NUDT2: variants seen among roughly 807,000 people sequenced by gnomAD.
The protein encoded by NUDT2 is nudix hydrolase 2.
A neutral mutation model predicts 14.2 loss-of-function variants in NUDT2; 12 were observed. That is an observed-to-expected ratio of 0.84 (90% confidence interval 0.54 to 1.37). The LOEUF (loss-of-function observed/expected upper bound fraction) is 1.37. Among genes scored for constraint, NUDT2 ranks in the 40% most tolerant of loss-of-function variants. The probability of loss-of-function intolerance (pLI) is 0.00; values close to 1 mark genes in which losing one functional copy is unlikely to be tolerated. For synonymous variants in NUDT2, 67 were observed against 67.4 expected, an observed-to-expected ratio of 0.99 and a Z score of 0.03; for missense variants, 167 against 176.7, an observed-to-expected ratio of 0.95 and a Z score of 0.31.
chr9:34,343,200 C>T lies in NUDT2; in HGVS notation c.204C>T (p.Gly68=), dbSNP rs1435903657. 1 of 1,614,004 alleles carries T rather than the reference C, an allele frequency of 6.2e-7. No homozygotes were observed. The highest frequency in any genetic ancestry group is 2.2e-5 in the East Asian group (1 of 44,868). Residue 68 remains glycine (G), a synonymous_variant, in exon 5 of 5, where the codon GGC becomes GGT. Transcript: ENST00000379158. Reference sequence around the variant, plus strand: ...AAGAGGAAGCAGGCATAGAAGCAGGCCAGCTGACCATTATTGAGGGGTTCA... The same window carrying T: ...AAGAGGAAGCAGGCATAGAAGCAGGTCAGCTGACCATTATTGAGGGGTTCA... ...ETQEEAGIEA[G]QLTIIEGFKR...
At chr9:34,341,224 A>C (rs1214711809) in intron 4 of NUDT2, among the ~76,000 whole-genome samples, 1 of 152,188 alleles carries the variant, frequency 6.6e-6, no homozygotes, top group East Asian at 1.9e-4. Context: ...GACCTCTCCT[A>C]ATCCTTTCCT....
chr9:34,340,883 GCCCAGGCTGGTCTTGAA>G (rs1157359987), intron 4 of NUDT2, among the ~76,000 whole-genome samples: 1 of 151,928 alleles, frequency 6.6e-6, no homozygotes, highest in African/African-American at 2.4e-5. Context: ...TTACTATATT[GCCCAGGCTGGTCTTGAA>G]CTCCTGGGCT....
At chr9:34,335,086 C>T (rs2131855609) in intron 1 of NUDT2, among the ~76,000 whole-genome samples, 1 of 152,166 alleles carries the variant, frequency 6.6e-6, no homozygotes, top group African/African-American at 2.4e-5. Flanking sequence ...TTTCCTCCTT[C>T]AGCTCCTCTG....
chr9:34,330,673 TG>T (rs1837888765), intron 1 of NUDT2, among the ~76,000 whole-genome samples: 1 of 152,002 alleles, frequency 6.6e-6, no homozygotes, highest in Admixed American at 6.6e-5. Context: ...TCTTAAAAAA[TG>T]GTAGCGGCCG....
At chr9:34,331,758 A>C (rs1329014483) in intron 1 of NUDT2, among the ~76,000 whole-genome samples, 1 of 152,242 alleles carries the variant, frequency 6.6e-6, no homozygotes, top group Non-Finnish European at 1.5e-5. Context: ...ACTGAACTTT[A>C]GACCCATCTG....
intron 4 of NUDT2, among the ~76,000 whole-genome samples, chr9:34,340,521 G>A (rs1226216290): frequency 6.6e-6 from 1 of 152,170 alleles, no homozygotes. Flanking sequence ...GGGTGGAGTC[G>A]GGCAAGTCTC....
At chr9:34,333,249 G>A (rs778328837) in intron 1 of NUDT2, among the ~76,000 whole-genome samples, 14 of 152,030 alleles carry the variant, frequency 9.2e-5, no homozygotes, top group Admixed American at 5.9e-4. Flanking sequence ...TAACATCTAC[G>A]GCCCTCTCCC....
intron 3 of NUDT2, 21 bp from the exon 4 acceptor site, chr9:34,339,003 T>G (rs1266630101): frequency 1.9e-6 from 3 of 1,591,436 alleles, no homozygotes; most frequent in East Asian, 4.5e-5. Flanking sequence ...CTTCCCAATA[T>G]TCTGTATCTT....
intron 4 of NUDT2, among the ~76,000 whole-genome samples, chr9:34,342,384 C>T (rs575203195): frequency 1.8e-4 from 27 of 152,162 alleles, no homozygotes; most frequent in Non-Finnish European, 3.2e-4. Context: ...AGTACTTCCT[C>T]GTCAGCTAAC....
chr9:34,333,849 A>G (rs1838017723), intron 1 of NUDT2, among the ~76,000 whole-genome samples: 1 of 152,120 alleles, frequency 6.6e-6, no homozygotes, highest in African/African-American at 2.4e-5. Context: ...CAGGCCAGCT[A>G]TGCCCTTATG....
At position 34,338,554 on chromosome 9, in the gene NUDT2, A is replaced by G. The variant is rs1179070021; in HGVS notation, c.-151-159A>G. Among the ~76,000 whole-genome samples the G allele has an allele frequency of 2.6e-5, 4 of 150,968 alleles. No individual in the cohort carries two copies. The East Asian group carries it at 7.8e-4, about 30-fold the overall frequency. On this transcript the variant is annotated intron_variant, in intron 2 of 4. Transcript: ENST00000379158. ...GAAATATTTTTTTCTATATGAAGTTACTCTCTGTAGATGACCTCTCTGCAT... is the reference window on the plus strand; with the variant it reads ...GAAATATTTTTTTCTATATGAAGTTGCTCTCTGTAGATGACCTCTCTGCAT...
intron 4 of NUDT2, among the ~76,000 whole-genome samples, chr9:34,340,018 T>C (rs1838194028): frequency 6.6e-6 from 1 of 151,782 alleles, no homozygotes; most frequent in African/African-American, 2.4e-5. Flanking sequence ...CACTGCAACC[T>C]CCATCTCCCA....
intron 4 of NUDT2, among the ~76,000 whole-genome samples, chr9:34,341,512 TTTTG>T (rs1015730366): frequency 2.4e-4 from 36 of 152,106 alleles, no homozygotes; most frequent in African/African-American, 8.7e-4. Context: ...TTTCTGGGGG[TTTTG>T]TTTGTTTGTT....
Position 34,343,563 on chromosome 9 carries a change from T to A in NUDT2, c.*123T>A. On this transcript the variant is annotated 3_prime_UTR_variant, in exon 5 of 5. Coordinates refer to ENST00000379158, the MANE Select transcript of NUDT2 (RefSeq NM_001161.5). ...CTCATGACAGCCAAGAGCAGATTTG[T>A]GAAATCGGCTCAACTCCCAGGTGAG... The A allele has an allele frequency of 1.1e-6, 1 of 890,168 alleles. No individual in the cohort carries two copies. Among genetic ancestry groups the A allele is most frequent in the Non-Finnish European group, 1.6e-6 (1 of 613,020 alleles). 55.1% of individuals were successfully genotyped at this position (890,168 alleles called of 1,614,324 possible).
At chr9:34,337,945 G>A (rs1173620892) in intron 2 of NUDT2, among the ~76,000 whole-genome samples, 2 of 151,888 alleles carry the variant, frequency 1.3e-5, no homozygotes, top group East Asian at 3.9e-4. Flanking sequence ...CCGGGTTCAA[G>A]CAATTCTCCT....
Position 34,338,934 on chromosome 9 carries a change from G to T in NUDT2, c.-17+87G>T, listed in dbSNP as rs1838166333. The T allele has an allele frequency of 5.5e-6, 6 of 1,088,816 alleles. No individual in the cohort carries two copies. The South Asian group carries it at 8.8e-5, about 16-fold the overall frequency. The allele number at this position is 1,088,816 out of a possible 1,614,324, so 67.4% of individuals were successfully genotyped here. The stretch of plus-strand genomic sequence containing the variant: ...CTATGAGATCACAGTTAGCTAGTCT[G>T]CATTACTGTCCATCACCAGATTGCT... On this transcript the variant is annotated intron_variant, in intron 3 of 4. Transcript: ENST00000379158.
intron 1 of NUDT2, among the ~76,000 whole-genome samples, chr9:34,332,083 T>G (rs772588207): frequency 3.9e-5 from 6 of 152,238 alleles, no homozygotes; most frequent in Non-Finnish European, 8.8e-5. Flanking sequence ...CTGTCCTAAT[T>G]CGTTCCCCAG....
chr9:34,333,267 A>G (rs1837997305), intron 1 of NUDT2, among the ~76,000 whole-genome samples: 1 of 152,080 alleles, frequency 6.6e-6, no homozygotes, highest in Non-Finnish European at 1.5e-5. Context: ...CCCCCCAACT[A>G]AAACCTTTTT....
chr9:34,341,392 T>C (rs1587993518), intron 4 of NUDT2, among the ~76,000 whole-genome samples: 1 of 152,228 alleles, frequency 6.6e-6, no homozygotes, highest in East Asian at 1.9e-4. Flanking sequence ...CCTCCCACCT[T>C]GCTCCCCTGA....
Sources: allele counts gnomAD v4.1 joint callset (sites outside exome capture counted in the v4.1 genomes callset), GRCh38; gene constraint gnomAD v4.1.1; transcripts MANE v1.5; gene names NCBI Gene and HGNC (gene_info 2026-07-23, HGNC 2026-07-21).